Variants in HTR4 observed in about 807,000 individuals in gnomAD.
HTR4 encodes 5-hydroxytryptamine (serotonin) receptor 4, G protein-coupled.
In HTR4, 16 loss-of-function variants were observed where a neutral mutation model predicts 36.8. That is an observed-to-expected ratio of 0.43 (90% CI 0.29 to 0.66). The LOEUF (loss-of-function observed/expected upper bound fraction) is 0.66. Ranked by LOEUF, HTR4 falls within the 30% of genes least tolerant of loss-of-function variation. The pLI is 0.13. For synonymous variants in HTR4, 189 were observed against 185.1 expected, an observed-to-expected ratio of 1.02 and a Z score of -0.17; for missense variants, 438 against 490.9, an observed-to-expected ratio of 0.89 and a Z score of 1.02.
intron 5 of HTR4, among the ~76,000 whole-genome samples, chr5:148,513,997 A>G (rs544087468): frequency 1.3e-5 from 2 of 152,180 alleles, no homozygotes; most frequent in Non-Finnish European, 2.9e-5. Context: ...ATATCAACTA[A>G]AATTCATCTT....
At chr5:148,638,226 C>T (rs114956974) in intron 1 of HTR4, among the ~76,000 whole-genome samples, 4,117 of 152,276 alleles carry the variant, frequency 0.027, 84 homozygotes, top group Non-Finnish European at 0.043. Context: ...AACAGGAGCT[C>T]CCATGGGCAT....
intron 2 of HTR4, among the ~76,000 whole-genome samples, chr5:148,585,162 T>C (rs1761300753): frequency 6.6e-6 from 1 of 152,150 alleles, no homozygotes; most frequent in Non-Finnish European, 1.5e-5. Context: ...AAAGAATGCA[T>C]ATAAAATGCT....
intron 4 of HTR4, among the ~76,000 whole-genome samples, chr5:148,534,491 G>A (rs1188741707): frequency 6.6e-6 from 1 of 152,170 alleles, no homozygotes; most frequent in Non-Finnish European, 1.5e-5. Context: ...GAGGTATTGA[G>A]CCAGTAGCAA....
At chr5:148,460,270 G>A (rs144504929) in intron 5 of HTR4, among the ~76,000 whole-genome samples, 109 of 152,132 alleles carry the variant, frequency 7.2e-4, no homozygotes, top group Non-Finnish European at 1.1e-3. Flanking sequence ...ATGAATGTCA[G>A]ATGCCAAACT....
chr5:148,636,229 C>T (rs1343045931), intron 2 of HTR4, among the ~76,000 whole-genome samples: 1 of 152,150 alleles, frequency 6.6e-6, no homozygotes, highest in Non-Finnish European at 1.5e-5. Flanking sequence ...GGCCCCTGAT[C>T]TATACCTGAA....
At chr5:148,619,024 AAAAG>A (rs747174230) in intron 2 of HTR4, among the ~76,000 whole-genome samples, 15 of 152,186 alleles carry the variant, frequency 9.9e-5, no homozygotes, top group Non-Finnish European at 2.1e-4. Flanking sequence ...AGGAGGATTG[AAAAG>A]AAAGTGAATG....
intron 2 of HTR4, among the ~76,000 whole-genome samples, chr5:148,554,394 A>G (rs1458713545): frequency 6.6e-6 from 1 of 152,212 alleles, no homozygotes; most frequent in African/African-American, 2.4e-5. Flanking sequence ...GTTTTGATAC[A>G]TGCTACCACA....
At chr5:148,563,703 C>T (rs971898511) in intron 2 of HTR4, among the ~76,000 whole-genome samples, 11 of 152,134 alleles carry the variant, frequency 7.2e-5, no homozygotes, top group Admixed American at 2.0e-4. Context: ...GTCATTATTA[C>T]GTAAACAATA....
chr5:148,580,807 T>C (rs1175424784), intron 2 of HTR4, among the ~76,000 whole-genome samples: 1 of 152,120 alleles, frequency 6.6e-6, no homozygotes, highest in East Asian at 1.9e-4. Flanking sequence ...TTGGCTACTC[T>C]GAATATTGTT....
chr5:148,636,773 G>A (rs544471760), intron 2 of HTR4, among the ~76,000 whole-genome samples: 3 of 152,248 alleles, frequency 2.0e-5, no homozygotes, highest in African/African-American at 7.2e-5. Context: ...TTTAGTATAG[G>A]AAGCTGGAAA....
downstream of HTR4, among the ~76,000 whole-genome samples, chr5:148,475,271 T>C (rs1755668649): frequency 6.6e-6 from 1 of 152,178 alleles, no homozygotes; most frequent in Non-Finnish European, 1.5e-5. Context: ...AATTAAGGTG[T>C]CTGAAGAAGC....
At chr5:148,644,952 T>C (rs1202338340) in intron 1 of HTR4, 1 of 152,212 alleles carries the variant, frequency 6.6e-6, no homozygotes, top group African/African-American at 2.4e-5. Context: ...TGAAATCTAA[T>C]ATGAATACAC....
intron 2 of HTR4, among the ~76,000 whole-genome samples, chr5:148,614,078 A>C (rs1252155761): frequency 6.6e-6 from 1 of 152,070 alleles, no homozygotes; most frequent in Non-Finnish European, 1.5e-5. Flanking sequence ...GGTAGGAAGA[A>C]TCAATATCGT....
chr5:148,517,965 C>G (rs1291922711), intron 5 of HTR4, among the ~76,000 whole-genome samples: 1 of 151,964 alleles, frequency 6.6e-6, no homozygotes, highest in Non-Finnish European at 1.5e-5. Flanking sequence ...ACATTTCCCT[C>G]CCTCATTTAC....
intron 2 of HTR4, among the ~76,000 whole-genome samples, chr5:148,616,890 T>C (rs1752712447): frequency 6.6e-6 from 1 of 152,196 alleles, no homozygotes; most frequent in South Asian, 2.1e-4. Flanking sequence ...TAATGAAACT[T>C]GGAAGAGTAA....
chr5:148,518,163 A>G (rs191596015), intron 5 of HTR4, among the ~76,000 whole-genome samples: 161 of 152,156 alleles, frequency 1.1e-3, no homozygotes, highest in African/African-American at 3.8e-3. Flanking sequence ...TAATATTACA[A>G]TCTGCTATCC....
intron 2 of HTR4, among the ~76,000 whole-genome samples, chr5:148,633,483 C>G (rs1255109835): frequency 6.6e-6 from 1 of 151,072 alleles, no homozygotes; most frequent in Non-Finnish European, 1.5e-5. Flanking sequence ...CACCCATTAA[C>G]TCATCATCTA....
intron 2 of HTR4, among the ~76,000 whole-genome samples, chr5:148,630,719 C>T (rs1753292789): frequency 6.6e-6 from 1 of 152,088 alleles, no homozygotes; most frequent in African/African-American, 2.4e-5. Context: ...ACTAAAGACA[C>T]ATTTATCATT....
At position 148,484,367 on chromosome 5, in the gene HTR4, C is replaced by T. The variant is rs575175210; in HGVS notation, c.1077-1074G>A. 7.4e-6 allele frequency: 12 copies of T among 1,611,950 alleles called. No homozygotes were observed. The East Asian group carries it at 2.0e-4, about 27-fold the overall frequency. The stretch of plus-strand genomic sequence containing the variant: ...ACCTTGCTAAAATGTCTCTGTCAAA[C>T]AGAAAATCTGTCCTAGCAGATAAAG... On this transcript the variant is annotated intron_variant, in intron 6 of 6. Coordinates refer to ENST00000377888, the MANE Select transcript of HTR4 (RefSeq NM_000870.7).
Sources: allele counts gnomAD v4.1 joint callset (sites outside exome capture counted in the v4.1 genomes callset), GRCh38; gene constraint gnomAD v4.1.1; transcripts MANE v1.5; gene names NCBI Gene and HGNC (gene_info 2026-07-23, HGNC 2026-07-21).